KCNH5: variants seen among roughly 807,000 people sequenced by gnomAD.
KCNH5 encodes the protein voltage-gated delayed rectifier potassium channel KCNH5.
In KCNH5, 46 loss-of-function variants were observed where a neutral mutation model predicts 96.1. The observed-to-expected ratio is 0.48, with a 90% confidence interval of 0.38 to 0.61. The LOEUF is 0.61. KCNH5 is among the 20% of genes least tolerant of loss of function. KCNH5 has a pLI of 0.00. For synonymous variants in KCNH5, 439 were observed against 449.8 expected, an observed-to-expected ratio of 0.98 and a Z score of 0.30; for missense variants, 907 against 1,225.8, an observed-to-expected ratio of 0.74 and a Z score of 3.88.
intron 10 of KCNH5, among the ~76,000 whole-genome samples, chr14:62,716,086 A>G (rs763399783): frequency 1.3e-5 from 2 of 152,214 alleles, no homozygotes; most frequent in Admixed American, 6.5e-5. Flanking sequence ...TTTCACAATG[A>G]ACAAAACATT....
intron 10 of KCNH5, among the ~76,000 whole-genome samples, chr14:62,770,319 A>T (rs960264650): frequency 6.6e-6 from 1 of 152,254 alleles, no homozygotes; most frequent in Non-Finnish European, 1.5e-5. Flanking sequence ...AAAAAATGAC[A>T]TTTTGTGCTG....
At chr14:62,753,538 A>G (rs1453230758) in intron 10 of KCNH5, among the ~76,000 whole-genome samples, 2 of 152,212 alleles carry the variant, frequency 1.3e-5, no homozygotes, top group Non-Finnish European at 2.9e-5. Context: ...ACCTCAATGC[A>G]TTTAATAATC....
chr14:63,011,916 G>A (rs957561990), intron 2 of KCNH5, among the ~76,000 whole-genome samples: 3 of 152,160 alleles, frequency 2.0e-5, no homozygotes, highest in African/African-American at 4.8e-5. Flanking sequence ...ACTTGATGGG[G>A]TTGGATAAGG....
intron 1 of KCNH5, among the ~76,000 whole-genome samples, chr14:63,044,714 AC>A (rs1487345096): frequency 6.6e-6 from 1 of 152,224 alleles, no homozygotes; most frequent in African/African-American, 2.4e-5. Context: ...CTTGAGGGAA[AC>A]CTTTCCACTG....
chr14:62,998,560 T>C (rs1344890872), intron 4 of KCNH5, among the ~76,000 whole-genome samples: 1 of 152,194 alleles, frequency 6.6e-6, no homozygotes, highest in Non-Finnish European at 1.5e-5. Context: ...ATTGATTTTA[T>C]GTCTTTCTTC....
chr14:62,960,941 G>A (rs1451042870), intron 6 of KCNH5, among the ~76,000 whole-genome samples: 1 of 152,116 alleles, frequency 6.6e-6, no homozygotes, highest in Non-Finnish European at 1.5e-5. Context: ...ACAAAGAATA[G>A]GCACTTATTT....
Position 62,730,406 on chromosome 14 carries a change from A to T in KCNH5, c.2020-21951T>A, listed in dbSNP as rs2139923529. ...AGATTTCTGTAGATATTATTATCCT[A>T]CCTCCTTGGATAGCTATGAAGGAAA... On this transcript the variant is annotated intron_variant, in intron 10 of 10. Coordinates refer to ENST00000322893, the MANE Select transcript of KCNH5 (RefSeq NM_139318.5). Among the ~76,000 whole-genome samples the T allele has an allele frequency of 2.0e-5, 3 of 152,280 alleles. 1 individual carries two copies. The South Asian group carries it at 6.2e-4, about 32-fold the overall frequency.
intron 7 of KCNH5, among the ~76,000 whole-genome samples, chr14:62,893,296 T>C (rs756060634): frequency 3.3e-5 from 5 of 152,182 alleles, no homozygotes; most frequent in Admixed American, 6.5e-5. Context: ...CCAAGAGAAC[T>C]AGAATTAGAA....
At chr14:62,982,610 T>C (rs1890631173) in intron 5 of KCNH5, among the ~76,000 whole-genome samples, 1 of 152,144 alleles carries the variant, frequency 6.6e-6, no homozygotes, top group Non-Finnish European at 1.5e-5. Flanking sequence ...TAACTCTGAG[T>C]TATAATATAT....
At chr14:62,851,843 T>C (rs1348092827) in intron 7 of KCNH5, among the ~76,000 whole-genome samples, 2 of 152,182 alleles carry the variant, frequency 1.3e-5, no homozygotes, top group Non-Finnish European at 2.9e-5. Flanking sequence ...TTGCCAAATG[T>C]CTTATTACTG....
intron 10 of KCNH5, chr14:62,712,094 T>G (rs942402747): frequency 6.5e-6 from 1 of 152,822 alleles, no homozygotes; most frequent in Non-Finnish European, 1.5e-5. Flanking sequence ...GAGGGGGTCA[T>G]GAGGCGATTT....
chr14:63,020,119 C>T (rs1026215686), intron 1 of KCNH5, among the ~76,000 whole-genome samples: 12 of 152,038 alleles, frequency 7.9e-5, no homozygotes, highest in Admixed American at 5.2e-4. Flanking sequence ...GAAAGCACAA[C>T]GATATACTGC....
At chr14:63,045,025 C>G (rs1891896480) in intron 1 of KCNH5, 89 bp downstream of exon 1, 2 of 1,065,630 alleles carry the variant, frequency 1.9e-6, no homozygotes, top group Admixed American at 3.4e-5. Flanking sequence ...ATCCTCCTCC[C>G]CCCTTGGGAG....
At chr14:62,727,027 A>G (rs1387053609) in intron 10 of KCNH5, among the ~76,000 whole-genome samples, 3 of 152,186 alleles carry the variant, frequency 2.0e-5, no homozygotes. Context: ...CTATTCAGAT[A>G]ATTCTAAAAA....
chr14:62,918,916 AT>A (rs1889328272), intron 7 of KCNH5, among the ~76,000 whole-genome samples: 1 of 152,024 alleles, frequency 6.6e-6, no homozygotes, highest in South Asian at 2.1e-4. Context: ...CATTTTTATC[AT>A]ATTATTTTTA....
chr14:62,880,177 T>C (rs1360115884), intron 7 of KCNH5, among the ~76,000 whole-genome samples: 1 of 152,206 alleles, frequency 6.6e-6, no homozygotes, highest in Admixed American at 6.5e-5. Context: ...CAACAGTTTC[T>C]TTATTAGCAA....
rs36103415 is a variant in KCNH5, at chr14:63,006,481, G to GA, written c.198-10dup. 4.5e-4 allele frequency: 665 copies of GA among 1,466,026 alleles called. 4 individuals carry two copies. The African/African-American group carries it at 7.5e-3, about 16-fold the overall frequency. The allele number at this position is 1,466,026 out of a possible 1,614,324, so 90.8% of individuals were successfully genotyped here. On this transcript the variant is annotated splice_polypyrimidine_tract_variant and intron_variant, in intron 2 of 10. Coordinates refer to ENST00000322893, the MANE Select transcript of KCNH5 (RefSeq NM_139318.5). ...ATTCCCCATACATAAAACTGGGGGG[G>GA]AAAAAAAACAAACAATCGATTTCAC...
chr14:62,815,687 C>T (rs1296046067), intron 8 of KCNH5, among the ~76,000 whole-genome samples: 1 of 151,752 alleles, frequency 6.6e-6, no homozygotes, highest in African/African-American at 2.4e-5. Flanking sequence ...ACCTATTAAA[C>T]AAACAGGTAG....
chr14:62,773,432 C>G (rs943897804), intron 10 of KCNH5, among the ~76,000 whole-genome samples: 4 of 152,170 alleles, frequency 2.6e-5, no homozygotes, highest in Non-Finnish European at 5.9e-5. Context: ...GAATAACCCT[C>G]TCGTAGCACT....
Sources: gnomAD v4.1 joint callset for allele counts (sites outside exome capture counted in the v4.1 genomes callset) on GRCh38, gnomAD v4.1.1 for gene constraint, MANE v1.5 for transcripts, NCBI Gene and HGNC (gene_info 2026-07-23, HGNC 2026-07-21) for gene names.